DNAH17: variants seen among roughly 807,000 people sequenced by gnomAD.
DNAH17 encodes the protein dynein axonemal heavy chain 17.
In DNAH17, 376 loss-of-function variants were observed where a neutral mutation model predicts 485.6. The observed-to-expected ratio is 0.77, with a 90% CI of 0.71 to 0.84. The LOEUF (loss-of-function observed/expected upper bound fraction) is 0.84. DNAH17 is among the 40% of genes least tolerant of loss of function. The pLI is 0.00. For missense variants in DNAH17, 6,370 were observed against 5,839.3 expected (o/e 1.09, Z -2.96); for synonymous variants, 3,031 against 2,405.9 (o/e 1.26, Z -7.60).
rs910731403 is a variant in DNAH17 at position 78,490,605 on chromosome 17, A to G, written c.6818+94T>C. On this transcript the variant is annotated intron_variant, in intron 44 of 80. Transcript: ENST00000389840. ...GAGGGCCTGATACACAGTTTGTGAC[A>G]TGAATGATGAATGAATATGCAACTC... 1.6e-5 allele frequency: 23 copies of G among 1,480,010 alleles called. No homozygotes were observed. The Admixed American group carries it at 1.7e-4, about 11-fold the overall frequency. 91.7% of individuals were successfully genotyped at this position (1,480,010 alleles called of 1,614,324 possible).
At position 78,437,723 on chromosome 17, in the gene DNAH17, A is replaced by G. The variant is rs1379012334; in HGVS notation, c.11951T>C (p.Leu3984Pro). 7 of 1,612,278 alleles carry G rather than the reference A, an allele frequency of 4.3e-6. No individual in the cohort carries two copies. The highest frequency in any genetic ancestry group is 5.1e-6 in the Non-Finnish European group (6 of 1,179,724). Residue 3984 changes from leucine to proline, a missense_variant, in exon 74 of 81, where the codon CTG becomes CCG. Coordinates refer to ENST00000389840, the MANE Select transcript of DNAH17 (RefSeq NM_173628.4). ...PETHIIPQGI[L>P]ENAIKITNEP... ...GTTGGTGATCTTGATGGCGTTCTCC[A>G]GAATGCCCTGGGGGATGATGTGGGT...
intron 13 of DNAH17, among the ~76,000 whole-genome samples, chr17:78,558,571 A>G (rs2092081994): frequency 6.8e-6 from 1 of 147,930 alleles, no homozygotes; most frequent in South Asian, 2.1e-4. Flanking sequence ...CATCATTGTC[A>G]TCACCACGGG....
intron 1 of DNAH17, among the ~76,000 whole-genome samples, chr17:78,576,245 C>T (rs1191355546): frequency 6.6e-6 from 1 of 152,188 alleles, no homozygotes; most frequent in African/African-American, 2.4e-5. Context: ...TACCACGGAA[C>T]AGGTTTATTT....
chr17:78,500,129 G>A (rs2090223164), intron 36 of DNAH17, 176 bp downstream of exon 36: 1 of 675,336 alleles, frequency 1.5e-6, no homozygotes, highest in South Asian at 2.1e-5. Context: ...TCTTTCCAGA[G>A]GGACCACCTG....
At chr17:78,446,627 AATTT>A (rs201998566) in intron 69 of DNAH17, among the ~76,000 whole-genome samples, 1 of 139,604 alleles carries the variant, frequency 7.2e-6, no homozygotes, top group South Asian at 2.2e-4. Context: ...TGATTTTTTA[AATTT>A]ATTTTATTAT....
rs1448518716 is a variant in DNAH17, at chr17:78,506,758, G to A, written c.4765C>T (p.Leu1589Phe). Residue 1589 changes from leucine to phenylalanine, a missense_variant, in exon 30 of 81, where the codon CTC (leucine) becomes TTC (phenylalanine). Coordinates refer to ENST00000389840, the MANE Select transcript of DNAH17 (RefSeq NM_173628.4). ...TTGCCATTGGAGAGAATGTCCAGGA[G>A]GTCAGCCGAGGAGACAAAATAGAAC... ...PRFYFVSSAD[L>F]LDILSNGNDP... The A allele has an allele frequency of 1.2e-6, 2 of 1,613,892 alleles. No individual in the cohort carries two copies. Among genetic ancestry groups the A allele is most frequent in the East Asian group, 2.2e-5 (1 of 44,892 alleles).
chr17:78,465,918 G>A (rs998182231), intron 56 of DNAH17, among the ~76,000 whole-genome samples: 13 of 150,412 alleles, frequency 8.6e-5, no homozygotes, highest in Admixed American at 2.0e-4. Context: ...CCACCACCCC[G>A]TCTGGGAGGT....
intron 13 of DNAH17, among the ~76,000 whole-genome samples, chr17:78,559,160 G>A (rs117779187): frequency 0.012 from 1,789 of 152,288 alleles, 51 homozygotes; most frequent in East Asian, 0.079. Flanking sequence ...GAGGTAATGA[G>A]ATGTCCAGTG....
At chr17:78,466,591 GC>G in intron 56 of DNAH17, 63 bp downstream of exon 56, 1 of 1,465,324 alleles carries the variant, frequency 6.8e-7, no homozygotes, top group Non-Finnish European at 9.1e-7. Context: ...CAGGGAGCCA[GC>G]CCTTGGGCCT....
Position 78,567,286 on chromosome 17 carries a change from C to T in DNAH17, c.1285-120G>A, listed in dbSNP as rs113650481. ...GGGAGCAAAATGTCCCCAGGAGACACCAACCATGGGGGTGGGAGGACACCC... is the reference window on the plus strand; with the variant it reads ...GGGAGCAAAATGTCCCCAGGAGACATCAACCATGGGGGTGGGAGGACACCC... On this transcript the variant is annotated intron_variant, in intron 9 of 80. Coordinates refer to ENST00000389840, the MANE Select transcript of DNAH17 (RefSeq NM_173628.4). 9.1e-4 allele frequency: 919 copies of T among 1,005,164 alleles called. 5 individuals carry two copies. The African/African-American group carries it at 0.012, about 13-fold the overall frequency. The allele number at this position is 1,005,164 out of a possible 1,614,324, so 62.3% of individuals were successfully genotyped here. A position where few individuals can be genotyped will look rare whatever the true frequency, so the allele number is the denominator to read the frequency against.
intron 47 of DNAH17, chr17:78,485,279 A>G: frequency 1.6e-6 from 1 of 624,004 alleles, no homozygotes. Flanking sequence ...GGGTCGCCTT[A>G]GATTGGCTGA....
Position 78,453,400 on chromosome 17 carries a change from T to A in DNAH17, c.10472A>T (p.Glu3491Val), listed in dbSNP as rs1394410579. The change falls in exon 65 of 81, where the codon GAA (glutamate) becomes GTA (valine). Residue 3491 changes from glutamate (E) to valine (V), a missense_variant. Physicochemically the swap from Glu to Val is moderately radical, Grantham distance 121 (BLOSUM62 -2). Transcript: ENST00000389840. ...AGGGTCCAGCACGGGGTCCACGGTT[T>A]CGCCGATGTTCTCAATGAGCAAGGT... ...GDTLLIENIG[E>V]TVDPVLDPLL... 1 of 1,613,884 alleles carries A rather than the reference T, an allele frequency of 6.2e-7. No individual in the cohort carries two copies. Among genetic ancestry groups the A allele is most frequent in the East Asian group, 2.2e-5 (1 of 44,886 alleles).
intron 37 of DNAH17, among the ~76,000 whole-genome samples, chr17:78,496,501 T>C (rs1256138395): frequency 2.0e-5 from 3 of 151,852 alleles, no homozygotes; most frequent in Non-Finnish European, 2.9e-5. Flanking sequence ...GAGGCCAGCA[T>C]TGCTGTCACC....
At chr17:78,457,676 T>C (rs890262501) in intron 62 of DNAH17, among the ~76,000 whole-genome samples, 3 of 149,712 alleles carry the variant, frequency 2.0e-5, no homozygotes, top group African/African-American at 7.4e-5. Context: ...TTTTTTTTTT[T>C]TTTTAGACAG....
At chr17:78,455,127 T>C (rs879706705) in intron 63 of DNAH17, among the ~76,000 whole-genome samples, 121 of 151,696 alleles carry the variant, frequency 8.0e-4, no homozygotes, top group Admixed American at 2.7e-3. Flanking sequence ...CCAGGTTGGT[T>C]TTGAACTCCT....
chr17:78,556,126 TC>T (rs561965902), intron 14 of DNAH17, among the ~76,000 whole-genome samples: 158 of 152,148 alleles, frequency 1.0e-3, no homozygotes, highest in African/African-American at 3.5e-3. Context: ...TCTGTATCTA[TC>T]CCCCCCATCT....
rs1422139363 is a variant in DNAH17 at position 78,485,846 on chromosome 17, T to A, written c.7276-89A>T. On this transcript the variant is annotated intron_variant, in intron 46 of 80. Coordinates refer to ENST00000389840, the MANE Select transcript of DNAH17 (RefSeq NM_173628.4). ...TGCAGGCCATGTTCTACCGAACAGG[T>A]CCTAATGTTGAAAATCGGTTGTGTT... 14 of 1,570,560 alleles carry A rather than the reference T, an allele frequency of 8.9e-6. No homozygotes were observed. The Admixed American group carries it at 2.2e-4, about 25-fold the overall frequency.
chr17:78,487,815 G>A (rs564858803), intron 44 of DNAH17, among the ~76,000 whole-genome samples: 13 of 152,228 alleles, frequency 8.5e-5, no homozygotes, highest in Middle Eastern at 3.4e-3. Context: ...ATGAGGCACT[G>A]TGCTTGGCCA....
At chr17:78,516,498 C>T (rs888768847) in intron 25 of DNAH17, among the ~76,000 whole-genome samples, 2 of 152,072 alleles carry the variant, frequency 1.3e-5, no homozygotes, top group Non-Finnish European at 2.9e-5. Flanking sequence ...ACCAGCCTGA[C>T]CAACATGGTG....
Sources: allele counts gnomAD v4.1 joint callset (sites outside exome capture counted in the v4.1 genomes callset), GRCh38; gene constraint gnomAD v4.1.1; transcripts MANE v1.5; gene names NCBI Gene and HGNC (gene_info 2026-07-23, HGNC 2026-07-21).